The following PRPF18 variants were observed in gnomAD, a reference collection of about 807,000 sequenced individuals.
PRPF18 encodes pre-mRNA processing factor 18.
Under a neutral mutation model 46.5 loss-of-function variants are expected in PRPF18, and 38 were observed. The ratio of observed to expected loss-of-function variants is 0.82; its 90% CI spans 0.63 to 1.07. The LOEUF is 1.07. PRPF18 is among the 50% of genes least tolerant of loss of function. PRPF18 has a pLI of 0.00. For missense variants in PRPF18, 263 were observed against 410.0 expected (o/e 0.64, Z 3.10); for synonymous variants, 152 against 146.7 (o/e 1.04, Z -0.26).
chr10:13,654,024 T>C, the PRPF18 span: 5 of 354,482 alleles, frequency 1.4e-5, no homozygotes, highest in African/African-American at 2.1e-5. Context: ...CCTGCCCCAG[T>C]GTATTTGCTG....
At chr10:13,645,437 TAACCC>T in the PRPF18 span, 2 of 149,102 alleles carry the variant, frequency 1.3e-5, no homozygotes, top group African/African-American at 2.5e-5. Context: ...CCATCTTGAA[TAACCC>T]AACTAAAGTC....
chr10:13,601,364 CAACT>C (rs919742707), intron 3 of PRPF18, among the ~76,000 whole-genome samples: 3 of 152,096 alleles, frequency 2.0e-5, no homozygotes, highest in Admixed American at 2.0e-4. Flanking sequence ...TGATCAGTAC[CAACT>C]ATTATTTTAC....
chr10:13,595,048 T>G (rs1020083730), intron 1 of PRPF18, among the ~76,000 whole-genome samples: 5 of 152,196 alleles, frequency 3.3e-5, no homozygotes, highest in Non-Finnish European at 7.3e-5. Flanking sequence ...AAACTAGACT[T>G]TTTATTTTTT....
chr10:13,589,138 A>C (rs772110474), intron 1 of PRPF18, among the ~76,000 whole-genome samples: 2 of 152,230 alleles, frequency 1.3e-5, no homozygotes, highest in Non-Finnish European at 2.9e-5. Context: ...CACCACACTT[A>C]ATTTCCACTT....
At chr10:13,598,973 A>T (rs1418790949) in intron 2 of PRPF18, among the ~76,000 whole-genome samples, 12 of 152,222 alleles carry the variant, frequency 7.9e-5, no homozygotes, top group Admixed American at 7.8e-4. Context: ...TACTGTAAAG[A>T]TAATTGTTGA....
At chr10:13,648,594 C>T in the PRPF18 span, 1 of 152,134 alleles carries the variant, frequency 6.6e-6, no homozygotes, top group Non-Finnish European at 1.5e-5. Context: ...AGCTTTGAAA[C>T]CACAAGGATG....
At chr10:13,641,195 T>A in the PRPF18 span, 84,687 of 152,036 alleles carry the variant, frequency 0.56, 24,014 homozygotes, top group East Asian at 0.79. Flanking sequence ...TTTGCATCTG[T>A]TTTGTTTGTG....
chr10:13,654,549 C>G, the PRPF18 span: 2 of 1,359,154 alleles, frequency 1.5e-6, no homozygotes, highest in Non-Finnish European at 2.1e-6. Context: ...AGAGAGCAGA[C>G]AGGGATCAGA....
chr10:13,612,806 G>C (rs765720866), intron 6 of PRPF18, among the ~76,000 whole-genome samples: 4 of 151,854 alleles, frequency 2.6e-5, no homozygotes, highest in Non-Finnish European at 5.9e-5. Context: ...ACCTTACAGA[G>C]AGTGCTCAAT....
At chr10:13,653,047 G>A in the PRPF18 span, 2 of 151,666 alleles carry the variant, frequency 1.3e-5, no homozygotes, top group African/African-American at 2.4e-5. Context: ...TCTATGAAAC[G>A]AAAACATCTG....
chr10:13,618,382 C>T (rs190355240), intron 9 of PRPF18, among the ~76,000 whole-genome samples: 158 of 152,126 alleles, frequency 1.0e-3, no homozygotes, highest in African/African-American at 3.5e-3. Flanking sequence ...AATCCCAACA[C>T]TTCGAGTGGC....
chr10:13,603,779 A>G (rs1479140295), intron 3 of PRPF18, among the ~76,000 whole-genome samples: 1 of 152,238 alleles, frequency 6.6e-6, no homozygotes, highest in Admixed American at 6.5e-5. Context: ...TTAGTTCTAC[A>G]TTACCACATG....
intron 3 of PRPF18, 28 bp from the exon 4 acceptor site, chr10:13,605,601 AAT>A: frequency 2.0e-6 from 3 of 1,535,918 alleles, no homozygotes; most frequent in East Asian, 2.3e-5. Flanking sequence ...AAAAAAAAAA[AAT>A]TTACTGGGTA....
At chr10:13,608,234 T>G (rs901819535) in intron 4 of PRPF18, among the ~76,000 whole-genome samples, 5 of 152,228 alleles carry the variant, frequency 3.3e-5, no homozygotes, top group African/African-American at 1.2e-4. Flanking sequence ...CTTGGGGTCT[T>G]TATTGTGATT....
chr10:13,653,744 G>A, the PRPF18 span: 1 of 148,504 alleles, frequency 6.7e-6, no homozygotes, highest in Admixed American at 6.6e-5. Flanking sequence ...AGAGGCAGGT[G>A]CTGTAGGGCC....
intron 9 of PRPF18, among the ~76,000 whole-genome samples, chr10:13,617,405 A>G (rs1244943261): frequency 2.0e-5 from 3 of 152,210 alleles, no homozygotes; most frequent in Non-Finnish European, 4.4e-5. Flanking sequence ...AGTCACATAT[A>G]ATAGCTTTTT....
intron 3 of PRPF18, among the ~76,000 whole-genome samples, chr10:13,604,530 G>A (rs975227574): frequency 1.3e-4 from 20 of 152,312 alleles, no homozygotes; most frequent in African/African-American, 4.8e-4. Context: ...CCTGTTTTCT[G>A]AGGGAGAAGT....
chr10:13,591,169 G>C (rs189430847), intron 1 of PRPF18, among the ~76,000 whole-genome samples: 1 of 152,168 alleles, frequency 6.6e-6, no homozygotes, highest in Non-Finnish European at 1.5e-5. Flanking sequence ...ACAACTAGGC[G>C]TCTTTTCTGT....
chr10:13,626,797 C>T (rs917791376), intron 9 of PRPF18, among the ~76,000 whole-genome samples: 2 of 101,288 alleles, frequency 2.0e-5, no homozygotes, highest in Non-Finnish European at 4.5e-5. Context: ...ATACAAGAAT[C>T]GTGTGATTTT....
Sources: allele counts gnomAD v4.1 joint callset (sites outside exome capture counted in the v4.1 genomes callset), GRCh38; gene constraint gnomAD v4.1.1; transcripts MANE v1.5; gene names NCBI Gene and HGNC (gene_info 2026-07-23, HGNC 2026-07-21).